Variants in BRINP1 observed in about 807,000 individuals in gnomAD.
BRINP1 encodes the protein BMP/retinoic acid inducible neural specific 1.
BRINP1 carries 17 observed loss-of-function variants against 72.9 expected under a neutral mutation model. The observed-to-expected ratio is 0.23, with a 90% CI of 0.16 to 0.35. The LOEUF is 0.35. Among genes scored for constraint, BRINP1 ranks in the 10% least tolerant of loss-of-function variants. BRINP1 has a pLI of 1.00. For missense variants in BRINP1, 850 were observed against 1,001.6 expected, an observed-to-expected ratio of 0.85 and a Z score of 2.04; for synonymous variants, 418 against 378.5, an observed-to-expected ratio of 1.10 and a Z score of -1.21.
At chr9:119,172,208 A>C (rs1829421172) in intron 7 of BRINP1, among the ~76,000 whole-genome samples, 1 of 152,216 alleles carries the variant, frequency 6.6e-6, no homozygotes, top group East Asian at 1.9e-4. Flanking sequence ...GTTTTTTGAA[A>C]GGATCAACAA....
intron 7 of BRINP1, among the ~76,000 whole-genome samples, chr9:119,174,169 G>A (rs1384611697): frequency 2.0e-5 from 3 of 149,552 alleles, no homozygotes; most frequent in East Asian, 3.9e-4. Context: ...TACCATCAGA[G>A]TGAACAGGCA....
At chr9:119,330,419 A>C (rs1324984939) in intron 1 of BRINP1, among the ~76,000 whole-genome samples, 1 of 152,142 alleles carries the variant, frequency 6.6e-6, no homozygotes, top group Non-Finnish European at 1.5e-5. Flanking sequence ...CCATGTCTCT[A>C]GGTACTAAAG....
intron 2 of BRINP1, among the ~76,000 whole-genome samples, chr9:119,263,727 C>T (rs1226644763): frequency 1.3e-5 from 2 of 150,214 alleles, no homozygotes; most frequent in Non-Finnish European, 3.0e-5. Flanking sequence ...CCTGCCTCAG[C>T]CTCCCAAGTA....
chr9:119,365,130 T>C (rs1225664918), intron 1 of BRINP1, among the ~76,000 whole-genome samples: 2 of 152,126 alleles, frequency 1.3e-5, no homozygotes, highest in Admixed American at 6.6e-5. Flanking sequence ...CAAACTAAAA[T>C]AGAGTTTCAG....
At chr9:119,357,242 C>T (rs983054121) in intron 1 of BRINP1, among the ~76,000 whole-genome samples, 9 of 152,226 alleles carry the variant, frequency 5.9e-5, no homozygotes, top group East Asian at 3.9e-4. Flanking sequence ...TATACATGCA[C>T]GTGTGCACGT....
intron 2 of BRINP1, among the ~76,000 whole-genome samples, chr9:119,273,183 C>T (rs888104108): frequency 2.0e-5 from 3 of 152,204 alleles, no homozygotes; most frequent in Non-Finnish European, 4.4e-5. Context: ...AACTCAGGAT[C>T]CTATTCCTGG....
chr9:119,307,387 G>A (rs1831009138), intron 2 of BRINP1, among the ~76,000 whole-genome samples: 1 of 152,088 alleles, frequency 6.6e-6, no homozygotes, highest in Admixed American at 6.5e-5. Flanking sequence ...GATCAAAATT[G>A]TACCGAACTC....
chr9:119,195,004 G>T (rs1247630038), intron 7 of BRINP1, among the ~76,000 whole-genome samples: 1 of 152,174 alleles, frequency 6.6e-6, no homozygotes, highest in African/African-American at 2.4e-5. Flanking sequence ...TTAAGAAAAT[G>T]ATAAGAATAG....
In BRINP1 at chr9:119,333,210, C is replaced by G. The variant is rs576458321; in HGVS notation, c.-50-19805G>C. 2.6e-5 allele frequency among the ~76,000 whole-genome samples: 4 copies of G among 151,886 alleles called. No homozygotes were observed. The South Asian group carries it at 8.3e-4, about 32-fold the overall frequency. On this transcript the variant is annotated intron_variant, in intron 1 of 7. Coordinates refer to ENST00000265922, the MANE Select transcript of BRINP1 (RefSeq NM_014618.3). ...CTGTGGTGGCTCATGCCTGTAATCC[C>G]AGGACTTTAGGAGGCTGAGGAAGGT...
chr9:119,247,248 AT>A (rs1328415608), intron 3 of BRINP1, among the ~76,000 whole-genome samples: 2 of 152,224 alleles, frequency 1.3e-5, no homozygotes, highest in East Asian at 3.9e-4. Context: ...ATGATTTCAT[AT>A]TCAAAGTCCT....
intron 7 of BRINP1, among the ~76,000 whole-genome samples, chr9:119,176,499 T>C (rs933876815): frequency 2.0e-5 from 3 of 152,174 alleles, no homozygotes; most frequent in Non-Finnish European, 4.4e-5. Context: ...GTATGGTTGT[T>C]GGCCCAAGCG....
chr9:119,329,449 C>A (rs937332919), intron 1 of BRINP1, among the ~76,000 whole-genome samples: 3 of 152,122 alleles, frequency 2.0e-5, no homozygotes, highest in African/African-American at 7.2e-5. Context: ...ATCATAGAAT[C>A]CAAGAAAGAA....
intron 2 of BRINP1, among the ~76,000 whole-genome samples, chr9:119,303,550 A>G (rs1830963162): frequency 6.6e-6 from 1 of 152,178 alleles, no homozygotes; most frequent in Non-Finnish European, 1.5e-5. Context: ...ACATGAATCA[A>G]TGTATGCTGA....
rs141188073 is a variant in BRINP1, at chr9:119,236,036, A to T, written c.685+2619T>A. ...TCCTTGTAACTTCTCCCTTCCTACT[A>T]GATTGGGATTGGTCCATTTTATTAA... On this transcript the variant is annotated intron_variant, in intron 5 of 7. Transcript: ENST00000265922. Among the ~76,000 whole-genome samples, 623 of 152,258 alleles carry T rather than the reference A, an allele frequency of 4.1e-3. 2 individuals are homozygous for T. The highest frequency in any genetic ancestry group is 0.014 in the African/African-American group (586 of 41,532).
In BRINP1 at chr9:119,171,738, C is replaced by T. The variant is rs374047886; in HGVS notation, c.1146-3514G>A. 4.2e-3 allele frequency among the ~76,000 whole-genome samples: 489 copies of T among 116,496 alleles called. 5 individuals carry two copies. The highest frequency in any genetic ancestry group is 0.024 in the East Asian group (102 of 4,318). 76.4% of individuals were successfully genotyped at this position (116,496 alleles called of 152,430 possible). ...ATTGACCACATAGTTGGAAGTAAAG[C>T]TCTCCTCAGCAAATGTAAAAGAACA... On this transcript the variant is annotated intron_variant, in intron 7 of 7. Transcript: ENST00000265922.
intron 7 of BRINP1, among the ~76,000 whole-genome samples, chr9:119,169,395 C>T (rs1229615109): frequency 1.3e-5 from 2 of 148,830 alleles, no homozygotes; most frequent in East Asian, 1.9e-4. Context: ...TCGGGTCACT[C>T]CCCCACCGAA....
chr9:119,294,764 G>A, intron 2 of BRINP1, among the ~76,000 whole-genome samples: 1 of 148,242 alleles, frequency 6.7e-6, no homozygotes. Context: ...TCTGAGGTAG[G>A]AGAATCACTT....
intron 7 of BRINP1, among the ~76,000 whole-genome samples, chr9:119,187,382 A>G (rs1829634473): frequency 6.6e-6 from 1 of 151,890 alleles, no homozygotes; most frequent in African/African-American, 2.4e-5. Context: ...AACCTTAACA[A>G]TCTACCTTGC....
chr9:119,232,981 G>A (rs1830161573), intron 5 of BRINP1, among the ~76,000 whole-genome samples: 2 of 151,056 alleles, frequency 1.3e-5, no homozygotes, highest in Admixed American at 6.6e-5. Flanking sequence ...TTCTCATGAT[G>A]CTTTCTTTCT....
Sources: gnomAD v4.1 joint callset for allele counts (sites outside exome capture counted in the v4.1 genomes callset) on GRCh38, gnomAD v4.1.1 for gene constraint, MANE v1.5 for transcripts, NCBI Gene and HGNC (gene_info 2026-07-23, HGNC 2026-07-21) for gene names.